The following MS4A4E variants were observed in gnomAD, a reference collection of about 807,000 sequenced individuals.
The protein encoded by MS4A4E is putative membrane-spanning 4-domains subfamily A member 4E.
MS4A4E carries 23 observed loss-of-function variants against 13.3 expected under a neutral mutation model. The observed-to-expected ratio is 1.73, with a 90% confidence interval of 1.25 to 2.45. The LOEUF (loss-of-function observed/expected upper bound fraction) is 2.45, where lower values mean the gene tolerates loss of function less well. Ranked by LOEUF, MS4A4E falls within the 30% of genes most tolerant of loss-of-function variation. The probability of loss-of-function intolerance (pLI) is 0.00; values close to 1 mark genes in which losing one functional copy is unlikely to be tolerated. For missense variants in MS4A4E, 144 were observed against 131.2 expected (o/e 1.10, Z -0.48); for synonymous variants, 36 against 45.6 (o/e 0.79, Z 0.85).
At chr11:60,223,693 G>A (rs2084302853) in intron 3 of MS4A4E, among the ~76,000 whole-genome samples, 1 of 152,168 alleles carries the variant, frequency 6.6e-6, no homozygotes, top group Admixed American at 6.5e-5. Flanking sequence ...GTAGGCAGAA[G>A]AACATAGAAA....
intron 1 of MS4A4E, among the ~76,000 whole-genome samples, chr11:60,241,048 G>T (rs1418465411): frequency 6.6e-6 from 1 of 152,014 alleles, no homozygotes; most frequent in Admixed American, 6.5e-5. Context: ...TTTTGAGGCG[G>T]AGTCTCGCTC....
At chr11:60,221,206 T>A (rs996475559) in intron 3 of MS4A4E, among the ~76,000 whole-genome samples, 1 of 152,060 alleles carries the variant, frequency 6.6e-6, no homozygotes, top group African/African-American at 2.4e-5. Flanking sequence ...CAAGTCACCA[T>A]GCGACCTGAA....
chr11:60,229,757 AT>A (rs1044638779), intron 2 of MS4A4E, among the ~76,000 whole-genome samples, 154 bp downstream of exon 2: 1 of 152,144 alleles, frequency 6.6e-6, no homozygotes, highest in Non-Finnish European at 1.5e-5. Context: ...AATATTATAT[AT>A]TTTTTCAAAG....
chr11:60,230,005 A>T lies in MS4A4E; in HGVS notation c.51T>A (p.Asp17Glu). The T allele has an allele frequency of 1.2e-6, 2 of 1,613,570 alleles. No homozygotes were observed. The highest frequency in any genetic ancestry group is 2.2e-5 in the South Asian group (2 of 90,946). Residue 17 changes from aspartate (D) to glutamate (E), a missense_variant, in exon 2 of 9, where the codon GAT becomes GAA. By Grantham distance (45) the Asp-to-Glu change is conservative. Coordinates refer to ENST00000651255, the MANE Select transcript of MS4A4E (RefSeq NM_001393391.1). ...MEQTTPGAGPDVPQLGNIDVI... is the reference protein window; with the variant it reads ...MEQTTPGAGPEVPQLGNIDVI... ...CATCTATGTTTCCCAGCTGGGGCAC[A>T]TCAGGGCCAGCCCCTGGAGTGGTCT...
intron 6 of MS4A4E, among the ~76,000 whole-genome samples, chr11:60,206,512 T>TGTATATATATATATAC (rs1554983301): frequency 1.1e-4 from 11 of 98,340 alleles, no homozygotes; most frequent in Middle Eastern, 5.0e-3. Flanking sequence ...TATATATATA[T>TGTATATATATATATAC]ACACACACAC....
intron 3 of MS4A4E, chr11:60,225,042 T>A (rs1169225772): frequency 1.9e-6 from 3 of 1,566,780 alleles, no homozygotes; most frequent in Non-Finnish European, 2.6e-6. Flanking sequence ...GCAACACACA[T>A]CATTATTATT....
At position 60,230,021 on chromosome 11, in the gene MS4A4E, G is replaced by T; in HGVS notation, c.35C>A (p.Pro12Gln). 6.2e-7 allele frequency: 1 copy of T among 1,612,370 alleles called. No homozygotes were observed. The highest frequency in any genetic ancestry group is 8.5e-7 in the Non-Finnish European group (1 of 1,179,194). The change falls in exon 2 of 9, where the codon CCA (proline) becomes CAA (glutamine). Residue 12 changes from proline to glutamine, a missense_variant. This residue lies in a region of MS4A4E where 119 missense variants were observed against 88.7 expected (regional missense o/e 1.34). Transcript: ENST00000651255. Reference protein sequence around the residue: ...TTMQGMEQTTPGAGPDVPQLG... With the variant: ...TTMQGMEQTTQGAGPDVPQLG... ...CTGGGGCACATCAGGGCCAGCCCCT[G>T]GAGTGGTCTGTTCCATTCCTTGCAT...
intron 8 of MS4A4E, among the ~76,000 whole-genome samples, chr11:60,202,412 G>C (rs1042733781): frequency 6.6e-6 from 1 of 152,174 alleles, no homozygotes; most frequent in African/African-American, 2.4e-5. Context: ...ATGTATGGGA[G>C]CTTGCCATTC....
At chr11:60,225,721 C>T (rs1417871753) in intron 3 of MS4A4E, among the ~76,000 whole-genome samples, 1 of 151,726 alleles carries the variant, frequency 6.6e-6, no homozygotes, top group Non-Finnish European at 1.5e-5. Context: ...AAATCAATCA[C>T]CTGAGAGTCT....
At chr11:60,213,761 T>G (rs543138322) in intron 4 of MS4A4E, among the ~76,000 whole-genome samples, 1 of 152,238 alleles carries the variant, frequency 6.6e-6, no homozygotes, top group Non-Finnish European at 1.5e-5. Context: ...TGTTGAGATC[T>G]TGGCTTTTGC....
chr11:60,229,750 A>G (rs11230202), intron 2 of MS4A4E, among the ~76,000 whole-genome samples, 162 bp downstream of exon 2: 18,876 of 152,226 alleles, frequency 0.12, 1,244 homozygotes, highest in South Asian at 0.16. Flanking sequence ...GTGATAGAAT[A>G]TTATATATTT....
At chr11:60,212,410 C>A (rs778543797) in intron 5 of MS4A4E, among the ~76,000 whole-genome samples, 24 of 151,330 alleles carry the variant, frequency 1.6e-4, no homozygotes, top group Admixed American at 8.6e-4. Flanking sequence ...CCTGGGTTCA[C>A]GCCATTCTCC....
At chr11:60,236,494 G>T (rs572804399) in intron 1 of MS4A4E, among the ~76,000 whole-genome samples, 3 of 151,492 alleles carry the variant, frequency 2.0e-5, no homozygotes, top group African/African-American at 7.3e-5. Flanking sequence ...TGTAGTATTC[G>T]ATGTACAAGT....
intron 5 of MS4A4E, among the ~76,000 whole-genome samples, chr11:60,211,282 C>T (rs1011632032): frequency 6.6e-6 from 1 of 152,156 alleles, no homozygotes; most frequent in Non-Finnish European, 1.5e-5. Context: ...ACTTTCTTTT[C>T]TTATCTTGAG....
intron 4 of MS4A4E, 119 bp from the exon 5 acceptor site, chr11:60,213,251 T>C (rs575281608): frequency 3.3e-5 from 51 of 1,528,918 alleles, no homozygotes; most frequent in African/African-American, 6.8e-5. Context: ...ACTTGTCTCC[T>C]TATAGTGGTT....
intron 3 of MS4A4E, among the ~76,000 whole-genome samples, chr11:60,214,875 G>T (rs992598384): frequency 3.3e-5 from 5 of 152,062 alleles, no homozygotes; most frequent in Non-Finnish European, 5.9e-5. Context: ...ACTGTTTGAG[G>T]ACACTGAAAG....
chr11:60,229,468 C>T (rs985053653), intron 2 of MS4A4E, among the ~76,000 whole-genome samples: 1 of 152,096 alleles, frequency 6.6e-6, no homozygotes, highest in Non-Finnish European at 1.5e-5. Context: ...ACACGTTCGC[C>T]TGAGACTCCA....
At chr11:60,234,538 G>A (rs982914001) in intron 1 of MS4A4E, among the ~76,000 whole-genome samples, 6 of 151,980 alleles carry the variant, frequency 3.9e-5, no homozygotes, top group African/African-American at 9.7e-5. Flanking sequence ...AATAAATTTG[G>A]CCCCATCTCT....
rs75490639 is a variant in MS4A4E, at chr11:60,205,796, T to C, written c.508A>G (p.Thr170Ala). Among the ~76,000 whole-genome samples the C allele has an allele frequency of 2.6e-5, 4 of 152,328 alleles. No homozygotes were observed. The highest frequency in any genetic ancestry group is 3.9e-4 in the East Asian group (2 of 5,190). Reference sequence around the variant, plus strand: ...ATAGAAAGGAGGTAGCACATGAAAGTATTGCTTCTAATTTTATTTTTGCTC... The same window carrying C: ...ATAGAAAGGAGGTAGCACATGAAAGCATTGCTTCTAATTTTATTTTTGCTC... ...SESKNKIRSNTFMCYLLSIQM... is the reference protein window; with the variant it reads ...SESKNKIRSNAFMCYLLSIQM... The change falls in exon 7 of 9, where the codon ACT (threonine) becomes GCT (alanine). Residue 170 changes from threonine to alanine, a missense_variant. Physicochemically the swap from Thr to Ala is moderately conservative, Grantham distance 58. Transcript: ENST00000651255.
Sources: gnomAD v4.1 joint callset for allele counts (sites outside exome capture counted in the v4.1 genomes callset) on GRCh38, gnomAD v4.1.1 for gene constraint, gnomAD v4.1.1 regional missense constraint, MANE v1.5 for transcripts, NCBI Gene and HGNC (gene_info 2026-07-23, HGNC 2026-07-21) for gene names.